The following FRMD4B variants were observed in gnomAD, a reference collection of about 807,000 sequenced individuals.
FRMD4B encodes the protein FERM domain-containing protein 4B.
A neutral mutation model predicts 141.5 loss-of-function variants in FRMD4B; 74 were observed. The observed-to-expected ratio is 0.52, with a 90% confidence interval of 0.43 to 0.63. The LOEUF is 0.63. FRMD4B is among the 30% of genes least tolerant of loss of function. FRMD4B has a pLI of 0.00. For synonymous variants in FRMD4B, 506 were observed against 467.9 expected (o/e 1.08, Z -1.05); for missense variants, 1,366 against 1,253.4 (o/e 1.09, Z -1.36).
At chr3:69,199,094 C>T (rs1378886663) in intron 11 of FRMD4B, 1 of 216,322 alleles carries the variant, frequency 4.6e-6, no homozygotes, top group Admixed American at 5.5e-5. Flanking sequence ...CACGGTGAAA[C>T]CTTGTCTCTA....
At chr3:69,363,248 GTTTTT>G (rs56074743) in intron 1 of FRMD4B, among the ~76,000 whole-genome samples, 2 of 132,754 alleles carry the variant, frequency 1.5e-5, no homozygotes, top group African/African-American at 6.0e-5. Context: ...TTTTTACCAT[GTTTTT>G]TTTTTTTTTT....
intron 7 of FRMD4B, among the ~76,000 whole-genome samples, chr3:69,237,195 T>A (rs1042676289): frequency 2.4e-5 from 3 of 124,830 alleles, no homozygotes; most frequent in Admixed American, 8.2e-5. Flanking sequence ...AGGAGAGAAT[T>A]GGAAAGCTAG....
chr3:69,190,524 C>T (rs2092823982), intron 17 of FRMD4B, among the ~76,000 whole-genome samples: 1 of 152,016 alleles, frequency 6.6e-6, no homozygotes, highest in South Asian at 2.1e-4. Flanking sequence ...AAGCAATCCT[C>T]CCGCCTCAGC....
rs1706648070 is a variant in FRMD4B at position 69,509,244 on chromosome 3, G to A, written c.-129+32962C>T. Among the ~76,000 whole-genome samples, 3 of 152,270 alleles carry A rather than the reference G, an allele frequency of 2.0e-5. No homozygotes were observed. The South Asian group carries it at 6.2e-4, about 32-fold the overall frequency. On this transcript the variant is annotated intron_variant, in intron 1 of 5. Transcript: ENST00000459638. ...TCTGACCATTTTATTACCTCCCCTGGAACGGAAGCGATCGCTTGCAGTGCC... is the reference window on the plus strand; with the variant it reads ...TCTGACCATTTTATTACCTCCCCTGAAACGGAAGCGATCGCTTGCAGTGCC...
intron 1 of FRMD4B, among the ~76,000 whole-genome samples, chr3:69,344,767 T>C (rs1343638094): frequency 1.3e-5 from 2 of 152,072 alleles, no homozygotes; most frequent in Admixed American, 6.5e-5. Flanking sequence ...AATGATAGTA[T>C]AAAAGCATGT....
intron 1 of FRMD4B, among the ~76,000 whole-genome samples, chr3:69,351,150 T>A (rs1264562345): frequency 6.6e-6 from 1 of 152,184 alleles, no homozygotes; most frequent in Non-Finnish European, 1.5e-5. Context: ...ATTGGAATAA[T>A]AAATTGATTG....
chr3:69,231,406 G>T (rs1255822388), intron 7 of FRMD4B, among the ~76,000 whole-genome samples: 1 of 152,120 alleles, frequency 6.6e-6, no homozygotes, highest in South Asian at 2.1e-4. Context: ...TCCTTCCTCA[G>T]CCCTCCCAGT....
At chr3:69,503,284 T>G (rs927463512) in intron 1 of FRMD4B, among the ~76,000 whole-genome samples, 1 of 151,936 alleles carries the variant, frequency 6.6e-6, no homozygotes, top group African/African-American at 2.4e-5. Flanking sequence ...TGGAACCAAC[T>G]CAAATGTCCA....
intron 2 of FRMD4B, among the ~76,000 whole-genome samples, chr3:69,414,522 G>A (rs1704816413): frequency 6.6e-6 from 1 of 152,202 alleles, no homozygotes; most frequent in East Asian, 1.9e-4. Flanking sequence ...TGGTCCAGGG[G>A]CAGAAAAAGT....
chr3:69,259,880 T>C (rs1396603165), intron 5 of FRMD4B, among the ~76,000 whole-genome samples: 1 of 152,158 alleles, frequency 6.6e-6, no homozygotes, highest in East Asian at 1.9e-4. Flanking sequence ...TAACATCAAA[T>C]TCATGTGCTC....
rs371260396 is a variant in FRMD4B, at chr3:69,291,873, C to T, written c.417-4037G>A. 8.7e-5 allele frequency among the ~76,000 whole-genome samples: 13 copies of T among 149,672 alleles called. No homozygotes were observed. In the East Asian group the frequency reaches 2.2e-3, roughly 25 times the overall value. On this transcript the variant is annotated intron_variant, in intron 4 of 22. Transcript: ENST00000398540. ...ACCCAAGTTAATAGAGGGCTTCTTC[C>T]ATGCTAGGGATAATACAAAGTGCTC...
At chr3:69,394,989 G>A (rs1291609025) in intron 2 of FRMD4B, among the ~76,000 whole-genome samples, 2 of 152,080 alleles carry the variant, frequency 1.3e-5, no homozygotes, top group African/African-American at 2.4e-5. Context: ...ACACGGGGAG[G>A]AGAACATCAC....
intron 15 of FRMD4B, 30 bp from the exon 16 acceptor site, chr3:69,195,171 T>A: frequency 6.2e-7 from 1 of 1,613,800 alleles, no homozygotes; most frequent in Non-Finnish European, 8.5e-7. Context: ...CAAGAGCAGA[T>A]AATTGACACT....
At chr3:69,407,707 G>A (rs1350234783) in intron 2 of FRMD4B, among the ~76,000 whole-genome samples, 3 of 152,244 alleles carry the variant, frequency 2.0e-5, no homozygotes, top group African/African-American at 7.2e-5. Flanking sequence ...CCTGGGCATT[G>A]CTTCGAGAAG....
At chr3:69,409,703 G>A (rs750852912) in intron 2 of FRMD4B, among the ~76,000 whole-genome samples, 2 of 152,152 alleles carry the variant, frequency 1.3e-5, no homozygotes, top group Non-Finnish European at 2.9e-5. Context: ...GGGAATCTCA[G>A]GGCTATTGCT....
intron 5 of FRMD4B, among the ~76,000 whole-genome samples, chr3:69,284,927 T>G (rs1700618898): frequency 6.6e-6 from 1 of 152,152 alleles, no homozygotes; most frequent in African/African-American, 2.4e-5. Flanking sequence ...TTTGGGAGGC[T>G]GAGGTGGGAG....
chr3:69,473,411 T>C (rs1575814943), intron 1 of FRMD4B, among the ~76,000 whole-genome samples: 1 of 152,176 alleles, frequency 6.6e-6, no homozygotes, highest in South Asian at 2.1e-4. Flanking sequence ...AACTGCATTC[T>C]ACAATTTGGC....
intron 1 of FRMD4B, among the ~76,000 whole-genome samples, chr3:69,445,883 G>A (rs1245403468): frequency 6.6e-6 from 1 of 152,130 alleles, no homozygotes; most frequent in Admixed American, 6.5e-5. Context: ...TTTGCTTGCT[G>A]GCTTTCTTGT....
intron 1 of FRMD4B, among the ~76,000 whole-genome samples, chr3:69,433,307 C>T (rs140143480): frequency 6.6e-6 from 1 of 152,258 alleles, no homozygotes; most frequent in African/African-American, 2.4e-5. Context: ...CTCATTCTCC[C>T]TACTACAGAA....
Sources: allele counts gnomAD v4.1 joint callset (sites outside exome capture counted in the v4.1 genomes callset), GRCh38; gene constraint gnomAD v4.1.1; transcripts MANE v1.5; gene names NCBI Gene and HGNC (gene_info 2026-07-23, HGNC 2026-07-21).